The following PTCHD4 variants were observed in gnomAD, a reference collection of about 807,000 sequenced individuals.
PTCHD4 encodes patched domain containing 4, also known as patched domain-containing protein 4.
PTCHD4 carries 33 observed loss-of-function variants against 58.1 expected under a neutral mutation model. The observed-to-expected ratio is 0.57, with a 90% CI of 0.43 to 0.76. The LOEUF (loss-of-function observed/expected upper bound fraction) is 0.76, where lower values mean the gene tolerates loss of function less well. Among genes scored for constraint, PTCHD4 ranks in the 30% least tolerant of loss-of-function variants. The pLI is 0.00. For synonymous variants in PTCHD4, 478 were observed against 409.6 expected (o/e 1.17, Z -2.02); for missense variants, 1,058 against 1,027.1 (o/e 1.03, Z -0.41).
At chr6:48,031,954 T>C (rs1315928217) in intron 3 of PTCHD4, among the ~76,000 whole-genome samples, 1 of 152,140 alleles carries the variant, frequency 6.6e-6, no homozygotes, top group East Asian at 1.9e-4. Context: ...TCCAGTCAAG[T>C]TGAAGTTGCA....
rs541831314 is a variant in PTCHD4, at chr6:48,077,761, T to TGA, written c.-969-7837_-969-7836dup. On this transcript the variant is annotated intron_variant, in intron 1 of 4. Transcript: ENST00000339488. ...ATCTCAGGGGAATAGGCAGACTTGATGAGAGAGAGAGAGATGAAGGAGCTG... is the reference window on the plus strand; with the variant it reads ...ATCTCAGGGGAATAGGCAGACTTGATGAGAGAGAGAGAGAGATGAAGGAGCTG... Among the ~76,000 whole-genome samples the TGA allele has an allele frequency of 2.1e-3, 325 of 151,920 alleles. 1 individual carries two copies. Among genetic ancestry groups the TGA allele is most frequent in the African/African-American group, 6.5e-3 (268 of 41,416 alleles).
intron 3 of PTCHD4, among the ~76,000 whole-genome samples, chr6:48,033,904 T>A (rs958946565): frequency 6.6e-6 from 1 of 152,050 alleles, no homozygotes; most frequent in Non-Finnish European, 1.5e-5. Flanking sequence ...GGGAGCACCA[T>A]TTTATGGAAA....
Position 47,954,132 on chromosome 6 carries a change from G to A in PTCHD4, c.898+54502C>T, listed in dbSNP as rs537703519. Among the ~76,000 whole-genome samples the A allele has an allele frequency of 7.9e-5, 12 of 152,166 alleles. 1 individual carries two copies. In the South Asian group the frequency reaches 2.3e-3, roughly 29 times the overall value. Reference sequence around the variant, plus strand: ...AGCACTTTGGGAGGCTGAGGTGGGCGGATCACTTGAGGTCAAGAATTCAAG... The same window carrying A: ...AGCACTTTGGGAGGCTGAGGTGGGCAGATCACTTGAGGTCAAGAATTCAAG... On this transcript the variant is annotated intron_variant, in intron 4 of 4. Transcript: ENST00000339488.
In PTCHD4 at chr6:47,921,278, T is replaced by A. The variant is rs1765423693; in HGVS notation, c.899-41342A>T. On this transcript the variant is annotated intron_variant, in intron 4 of 4. Transcript: ENST00000339488. ...GCCATTTCTCTGCTTTGTTTTACGC[T>A]TTTGGTTAATAGTACATTACACATT... Among the ~76,000 whole-genome samples, 3 of 152,326 alleles carry A rather than the reference T, an allele frequency of 2.0e-5. No individual in the cohort carries two copies. The South Asian group carries it at 6.2e-4, about 32-fold the overall frequency.
chr6:47,919,229 A>G (rs1001701020), intron 4 of PTCHD4, among the ~76,000 whole-genome samples: 4 of 152,190 alleles, frequency 2.6e-5, no homozygotes, highest in Non-Finnish European at 5.9e-5. Context: ...AATTGAATTG[A>G]TATTTTAAGC....
chr6:47,948,060 A>G (rs2113939465), intron 4 of PTCHD4, among the ~76,000 whole-genome samples: 1 of 152,340 alleles, frequency 6.6e-6, no homozygotes, highest in East Asian at 1.9e-4. Flanking sequence ...GGAGTCAGGC[A>G]TAACTTAACT....
chr6:48,079,468 T>C (rs1765122460), intron 1 of PTCHD4, among the ~76,000 whole-genome samples: 1 of 152,018 alleles, frequency 6.6e-6, no homozygotes, highest in African/African-American at 2.4e-5. Context: ...TTATCAAATA[T>C]CAACATTCAT....
At chr6:47,908,526 T>C (rs888865983) in intron 4 of PTCHD4, among the ~76,000 whole-genome samples, 3 of 152,176 alleles carry the variant, frequency 2.0e-5, no homozygotes, top group African/African-American at 7.2e-5. Flanking sequence ...ATAAATATGA[T>C]ATTACCCCAT....
chr6:48,010,996 G>C (rs1022162976), intron 3 of PTCHD4, among the ~76,000 whole-genome samples: 4 of 152,172 alleles, frequency 2.6e-5, no homozygotes, highest in African/African-American at 9.7e-5. Flanking sequence ...CATTTAGGTT[G>C]GTTCCAAATC....
At chr6:47,922,729 A>T (rs1385146139) in intron 4 of PTCHD4, among the ~76,000 whole-genome samples, 1 of 152,206 alleles carries the variant, frequency 6.6e-6, no homozygotes, top group Admixed American at 6.6e-5. Context: ...GCTCATCTGC[A>T]ACAGGACTCT....
At chr6:47,939,683 G>A (rs1766136831) in intron 4 of PTCHD4, among the ~76,000 whole-genome samples, 1 of 152,022 alleles carries the variant, frequency 6.6e-6, no homozygotes, top group South Asian at 2.1e-4. Flanking sequence ...CTCTAAAGTA[G>A]GGCTTTTATT....
chr6:47,927,905 G>C (rs1346881326), intron 4 of PTCHD4, among the ~76,000 whole-genome samples: 1 of 151,900 alleles, frequency 6.6e-6, no homozygotes, highest in East Asian at 1.9e-4. Flanking sequence ...TTACAGACAT[G>C]AGCCACTGTA....
intron 3 of PTCHD4, among the ~76,000 whole-genome samples, chr6:48,027,261 A>G (rs74344489): frequency 0.015 from 2,276 of 152,274 alleles, 62 homozygotes; most frequent in African/African-American, 0.053. Context: ...TTAAACTCCC[A>G]GGAACATAAA....
At chr6:47,956,132 T>G (rs1247826819) in intron 4 of PTCHD4, among the ~76,000 whole-genome samples, 1 of 152,208 alleles carries the variant, frequency 6.6e-6, no homozygotes, top group Admixed American at 6.5e-5. Context: ...GATTTTCTTT[T>G]CATTGAGAGA....
chr6:48,043,635 C>T (rs1043580497), intron 3 of PTCHD4, among the ~76,000 whole-genome samples: 1 of 151,884 alleles, frequency 6.6e-6, no homozygotes, highest in Non-Finnish European at 1.5e-5. Context: ...TGTTATCGCT[C>T]CTTAAATTCA....
In PTCHD4 at chr6:47,921,118, A is replaced by T. The variant is rs187526570; in HGVS notation, c.899-41182T>A. Among the ~76,000 whole-genome samples, 838 of 152,318 alleles carry T rather than the reference A, an allele frequency of 5.5e-3. 14 individuals are homozygous for T. The highest frequency in any genetic ancestry group is 8.0e-3 in the Non-Finnish European group (545 of 68,012). ...GAAAATATTATTGTCACTACTCTAAATATAAAATATGATCTTATGACAAAA... is the reference window on the plus strand; with the variant it reads ...GAAAATATTATTGTCACTACTCTAATTATAAAATATGATCTTATGACAAAA... On this transcript the variant is annotated intron_variant, in intron 4 of 4. Transcript: ENST00000339488.
At chr6:48,066,283 TTTATA>T in intron 3 of PTCHD4, among the ~76,000 whole-genome samples, 1 of 152,116 alleles carries the variant, frequency 6.6e-6, no homozygotes, top group Non-Finnish European at 1.5e-5. Flanking sequence ...CCTCAGGGAT[TTTATA>T]CTGTAAATAG....
intron 4 of PTCHD4, among the ~76,000 whole-genome samples, chr6:47,908,751 T>C (rs181184979): frequency 2.5e-4 from 38 of 152,292 alleles, no homozygotes; most frequent in Non-Finnish European, 4.6e-4. Context: ...ATCTTTTGGT[T>C]GTATCTAATT....
At chr6:48,021,437 C>G (rs1763068069) in intron 3 of PTCHD4, among the ~76,000 whole-genome samples, 1 of 152,150 alleles carries the variant, frequency 6.6e-6, no homozygotes, top group South Asian at 2.1e-4. Context: ...TTGAACTTGA[C>G]TTCTGAATTG....
Sources: allele counts gnomAD v4.1 joint callset (sites outside exome capture counted in the v4.1 genomes callset), GRCh38; gene constraint gnomAD v4.1.1; transcripts MANE v1.5; gene names NCBI Gene and HGNC (gene_info 2026-07-23, HGNC 2026-07-21).